NPAS2: variants seen among roughly 807,000 people sequenced by gnomAD.
NPAS2 encodes neuronal PAS domain-containing protein 2.
A neutral mutation model predicts 107.5 loss-of-function variants in NPAS2; 23 were observed. The ratio of observed to expected loss-of-function variants is 0.21; its 90% confidence interval spans 0.15 to 0.30. The LOEUF (loss-of-function observed/expected upper bound fraction) is 0.30. Among genes scored for constraint, NPAS2 ranks in the 10% least tolerant of loss-of-function variants. The pLI is 1.00. For synonymous variants in NPAS2, 403 were observed against 417.5 expected (o/e 0.97, Z 0.42); for missense variants, 756 against 1,043.3 (o/e 0.72, Z 3.79).
In NPAS2 at chr2:100,955,979, G is replaced by A. The variant is rs116940831; in HGVS notation, c.598+6499G>A. On this transcript the variant is annotated intron_variant, in intron 7 of 20. Transcript: ENST00000335681. The stretch of plus-strand genomic sequence containing the variant: ...GAGTGCAGTAGCACCATCATGGTTC[G>A]CTGTAGCCACCACCTCCTGGGCTCA... Among the ~76,000 whole-genome samples, 736 of 152,034 alleles carry A rather than the reference G, an allele frequency of 4.8e-3. 10 individuals are homozygous for A. The highest frequency in any genetic ancestry group is 0.046 in the East Asian group (239 of 5,174).
At chr2:100,967,462 A>G (rs991617049) in intron 10 of NPAS2, among the ~76,000 whole-genome samples, 10 of 151,654 alleles carry the variant, frequency 6.6e-5, no homozygotes, top group African/African-American at 2.4e-4. Context: ...TCCTGACCTC[A>G]TGATCCGCCT....
intron 15 of NPAS2, 29 bp from the exon 16 acceptor site, chr2:100,982,202 T>A (rs1336975310): frequency 3.7e-6 from 6 of 1,613,642 alleles, no homozygotes; most frequent in Non-Finnish European, 5.1e-6. Flanking sequence ...CTCTTTCATC[T>A]GATTATGTTT....
In NPAS2 at chr2:100,937,788, C is replaced by T. The variant is rs752044048; in HGVS notation, c.309C>T (p.Asp103=). 60 of 1,614,062 alleles carry T rather than the reference C, an allele frequency of 3.7e-5. No individual in the cohort carries two copies. Among genetic ancestry groups the T allele is most frequent in the Non-Finnish European group, 4.1e-5 (48 of 1,180,010 alleles). The part of the protein sequence containing the change: ...LDGFIIAVTT[D]GSIIYVSDSI... The stretch of plus-strand genomic sequence containing the variant: ...GCTTCATTATCGCAGTGACAACAGA[C>T]GGCAGCATCATCTATGTCTCTGACA... Residue 103 remains aspartate (D), a synonymous_variant, in exon 5 of 21, where the codon GAC becomes GAT. Coordinates refer to ENST00000335681, the MANE Select transcript of NPAS2 (RefSeq NM_002518.4).
At chr2:100,834,468 C>G (rs1046304011) in intron 1 of NPAS2, among the ~76,000 whole-genome samples, 1 of 152,188 alleles carries the variant, frequency 6.6e-6, no homozygotes, top group African/African-American at 2.4e-5. Flanking sequence ...AACCAGCTGA[C>G]TCTCTTAGGT....
chr2:100,985,699 C>T (rs997725216), intron 16 of NPAS2: 1 of 152,122 alleles, frequency 6.6e-6, no homozygotes, highest in South Asian at 2.1e-4. Flanking sequence ...TACTATGTCT[C>T]AGGTCATTTA....
chr2:100,844,706 G>A (rs1177325808), intron 1 of NPAS2, among the ~76,000 whole-genome samples: 1 of 152,172 alleles, frequency 6.6e-6, no homozygotes, highest in African/African-American at 2.4e-5. Flanking sequence ...ATGCTGTCCG[G>A]ATGAGTCATA....
At chr2:100,923,188 TAA>T (rs1490508928) in intron 2 of NPAS2, among the ~76,000 whole-genome samples, 1 of 151,860 alleles carries the variant, frequency 6.6e-6, no homozygotes, top group African/African-American at 2.4e-5. Flanking sequence ...AGAGTGCAGG[TAA>T]AGAGAGTGGC....
At chr2:100,910,830 ATGTCTTC>A (rs1184726826) in intron 2 of NPAS2, among the ~76,000 whole-genome samples, 1 of 152,008 alleles carries the variant, frequency 6.6e-6, no homozygotes, top group African/African-American at 2.4e-5. Flanking sequence ...GCCCAGCCTA[ATGTCTTC>A]TTCTTACACC....
At chr2:100,913,371 T>C (rs1052864104) in intron 2 of NPAS2, among the ~76,000 whole-genome samples, 1 of 152,238 alleles carries the variant, frequency 6.6e-6, no homozygotes, top group Non-Finnish European at 1.5e-5. Context: ...CTGTCTTTGA[T>C]TCAGAGAGCA....
At chr2:100,847,873 C>G (rs1247134861) in intron 1 of NPAS2, among the ~76,000 whole-genome samples, 1 of 152,146 alleles carries the variant, frequency 6.6e-6, no homozygotes, top group Non-Finnish European at 1.5e-5. Flanking sequence ...TCTTTTGGTA[C>G]AAGAAGTGGC....
At chr2:100,899,531 T>C (rs1681640232) in intron 1 of NPAS2, among the ~76,000 whole-genome samples, 2 of 152,288 alleles carry the variant, frequency 1.3e-5, no homozygotes, top group South Asian at 4.1e-4. Context: ...GCCTGGACTT[T>C]TCTTAATAAG....
rs371313218 is a variant in NPAS2, at chr2:100,988,192, G to C, written c.1743G>C (p.Ala581=). Residue 581 remains alanine, a synonymous_variant, in exon 17 of 21, where the codon GCG becomes GCC. Coordinates refer to ENST00000335681, the MANE Select transcript of NPAS2 (RefSeq NM_002518.4). ...CAGTGACTCAGCCCCAGCTCGGGGC[G>C]GGCCCCCAACTTCCAGGGCAGATCT... The part of the protein sequence containing the change: ...SAAVTQPQLG[A]GPQLPGQISS... The C allele has an allele frequency of 1.2e-6, 2 of 1,614,034 alleles. No homozygotes were observed. Among genetic ancestry groups the C allele is most frequent in the Admixed American group, 1.7e-5 (1 of 60,002 alleles).
At chr2:100,925,534 A>AC (rs1683506045) in intron 3 of NPAS2, among the ~76,000 whole-genome samples, 2 of 152,212 alleles carry the variant, frequency 1.3e-5, no homozygotes, top group Non-Finnish European at 2.9e-5. Context: ...AAACAACCTC[A>AC]CAGGTAGCAC....
chr2:100,853,284 G>A (rs761339756), intron 1 of NPAS2, among the ~76,000 whole-genome samples: 2 of 152,124 alleles, frequency 1.3e-5, no homozygotes, highest in African/African-American at 2.4e-5. Flanking sequence ...AACGAATCTT[G>A]GTTCTGAAAA....
chr2:100,995,343 C>A, intron 20 of NPAS2, 57 bp from the exon 21 acceptor site: 1 of 1,494,580 alleles, frequency 6.7e-7, no homozygotes, highest in Non-Finnish European at 9.2e-7. Flanking sequence ...CCTTGTAAGA[C>A]AGTTGAGGAG....
chr2:100,920,645 C>T (rs1443692305), intron 2 of NPAS2, among the ~76,000 whole-genome samples: 2 of 152,154 alleles, frequency 1.3e-5, no homozygotes, highest in South Asian at 2.1e-4. Context: ...ATAAAGTGTC[C>T]TCACCCAAGG....
At chr2:100,978,423 T>C (rs888792150) in intron 15 of NPAS2, among the ~76,000 whole-genome samples, 1 of 151,932 alleles carries the variant, frequency 6.6e-6, no homozygotes, top group African/African-American at 2.4e-5. Flanking sequence ...AAATTGGCCA[T>C]GGTATTTTAG....
At chr2:100,958,975 AGCCAG>A (rs1675743438) in intron 7 of NPAS2, among the ~76,000 whole-genome samples, 1 of 151,652 alleles carries the variant, frequency 6.6e-6, no homozygotes, top group Non-Finnish European at 1.5e-5. Context: ...CAAATTGCAA[AGCCAG>A]GCCAGGCACG....
At chr2:100,948,609 A>G (rs1157967706) in intron 6 of NPAS2, among the ~76,000 whole-genome samples, 1 of 128,084 alleles carries the variant, frequency 7.8e-6, no homozygotes, top group Non-Finnish European at 1.7e-5. Context: ...TTTTGTGTAT[A>G]TGATAAGATT....
Sources: allele counts gnomAD v4.1 joint callset (sites outside exome capture counted in the v4.1 genomes callset), GRCh38; gene constraint gnomAD v4.1.1; transcripts MANE v1.5; gene names NCBI Gene and HGNC (gene_info 2026-07-23, HGNC 2026-07-21).